The following FBXL13 variants were observed in gnomAD, a reference collection of about 807,000 sequenced individuals.
The protein encoded by FBXL13 is F-box and leucine rich repeat protein 13.
In FBXL13, 67 loss-of-function variants were observed where a neutral mutation model predicts 83.6. The ratio of observed to expected loss-of-function variants is 0.80; its 90% confidence interval spans 0.66 to 0.98. FBXL13 has a LOEUF of 0.98. FBXL13 is among the 50% of genes least tolerant of loss of function. The pLI is 0.00. For synonymous variants in FBXL13, 272 were observed against 299.5 expected (o/e 0.91, Z 0.95); for missense variants, 822 against 866.5 (o/e 0.95, Z 0.64).
chr7:103,063,156 C>T (rs186968167), intron 1 of FBXL13, among the ~76,000 whole-genome samples: 12 of 152,284 alleles, frequency 7.9e-5, no homozygotes, highest in Non-Finnish European at 1.5e-4. Flanking sequence ...AGTCCACTTT[C>T]AGATCTTCAC....
intron 6 of FBXL13, among the ~76,000 whole-genome samples, chr7:103,012,608 A>C (rs897959125): frequency 6.6e-6 from 1 of 152,236 alleles, no homozygotes; most frequent in African/African-American, 2.4e-5. Context: ...GCAAATGCTA[A>C]GGGAATTTCT....
intron 1 of FBXL13, among the ~76,000 whole-genome samples, chr7:103,071,702 TA>T (rs1253814401): frequency 6.6e-6 from 1 of 152,002 alleles, no homozygotes; most frequent in African/African-American, 2.4e-5. Context: ...GCCTGATTTT[TA>T]AAAAAATCAG....
intron 8 of FBXL13, chr7:102,942,385 C>T (rs541888615): frequency 2.4e-5 from 35 of 1,458,914 alleles, no homozygotes; most frequent in East Asian, 1.2e-4. Flanking sequence ...CTTTAAAAGA[C>T]GTGAATAACA....
chr7:102,927,202 C>T (rs765955181), intron 9 of FBXL13, among the ~76,000 whole-genome samples: 4 of 152,166 alleles, frequency 2.6e-5, no homozygotes, highest in South Asian at 2.1e-4. Context: ...TAAAATACAA[C>T]GAGTAGCAGC....
At chr7:103,016,612 G>A (rs138638166) in intron 6 of FBXL13, among the ~76,000 whole-genome samples, 1,708 of 152,148 alleles carry the variant, frequency 0.011, 35 homozygotes, top group African/African-American at 0.039. Context: ...CTGGAAAATC[G>A]GGTCACTCCC....
At chr7:102,862,332 A>G (rs1360411763) in intron 16 of FBXL13, among the ~76,000 whole-genome samples, 2 of 140,464 alleles carry the variant, frequency 1.4e-5, no homozygotes, top group Admixed American at 1.4e-4. Flanking sequence ...CTGTCTCAAA[A>G]AAAAAAAAAA....
chr7:103,036,384 A>G (rs1795069742), intron 2 of FBXL13, among the ~76,000 whole-genome samples: 1 of 152,198 alleles, frequency 6.6e-6, no homozygotes, highest in Admixed American at 6.5e-5. Flanking sequence ...AGTTAATAAC[A>G]ATGGCAAAAA....
At chr7:103,064,325 C>G (rs1798194137) in intron 1 of FBXL13, among the ~76,000 whole-genome samples, 1 of 152,174 alleles carries the variant, frequency 6.6e-6, no homozygotes, top group African/African-American at 2.4e-5. Flanking sequence ...TGGGGATAGA[C>G]AGTTTTCTTG....
intron 11 of FBXL13, among the ~76,000 whole-genome samples, chr7:102,894,183 C>G (rs1795877880): frequency 6.6e-6 from 1 of 152,134 alleles, no homozygotes; most frequent in African/African-American, 2.4e-5. Flanking sequence ...CTTCCATGAT[C>G]TCTGCTTCTC....
chr7:103,027,699 A>G (rs1794090023), intron 4 of FBXL13, 141 bp from the exon 6 acceptor site: 1 of 503,728 alleles, frequency 2.0e-6, no homozygotes, highest in Non-Finnish European at 3.4e-6. Flanking sequence ...TACACTTGAA[A>G]TTAATTACTT....
intron 17 of FBXL13, among the ~76,000 whole-genome samples, chr7:102,843,825 T>C (rs1030082263): frequency 3.9e-5 from 6 of 152,066 alleles, no homozygotes; most frequent in Non-Finnish European, 5.9e-5. Context: ...GTGAAGCAGC[T>C]AGAGCAAGAT....
At chr7:102,995,783 C>A (rs200333935) in intron 6 of FBXL13, among the ~76,000 whole-genome samples, 9 of 142,658 alleles carry the variant, frequency 6.3e-5, no homozygotes, top group Admixed American at 3.5e-4. Flanking sequence ...AAGACTCTGT[C>A]TAAATAAATA....
chr7:103,067,226 T>C (rs1273378371), intron 1 of FBXL13, among the ~76,000 whole-genome samples: 1 of 152,186 alleles, frequency 6.6e-6, no homozygotes, highest in African/African-American at 2.4e-5. Flanking sequence ...GTTCAGTTGC[T>C]CAGGGGTAAG....
upstream of FBXL13, chr7:103,074,703 A>T: frequency 7.8e-7 from 1 of 1,289,630 alleles, no homozygotes; most frequent in Admixed American, 2.3e-5. Context: ...TACCTCGCAG[A>T]CCTGAGGAAT....
chr7:103,025,700 T>A (rs775471559), intron 5 of FBXL13, among the ~76,000 whole-genome samples: 3 of 152,170 alleles, frequency 2.0e-5, no homozygotes. Flanking sequence ...TAAATAAAGG[T>A]AGTATTTCAG....
intron 2 of FBXL13, among the ~76,000 whole-genome samples, chr7:103,040,574 G>T (rs1795564757): frequency 6.6e-6 from 1 of 152,156 alleles, no homozygotes; most frequent in South Asian, 2.1e-4. Flanking sequence ...ATAATTGGTA[G>T]TAAAACACTC....
rs58307950 is a variant in FBXL13 at position 102,826,724 on chromosome 7, CATATATATATATATATATAT to C, written c.1855-4541_1855-4522del. On this transcript the variant is annotated intron_variant, in intron 18 of 19. Transcript: ENST00000313221. ...TGGGAGACAGAGTGAGACCCTGTCT[CATATATATATATATATATAT>C]ATATATATATATATATATATATATA... is the stretch of plus-strand genomic sequence containing the variant. Among the ~76,000 whole-genome samples the C allele has an allele frequency of 9.4e-4, 59 of 62,732 alleles. 2 individuals are homozygous for C. The highest frequency in any genetic ancestry group is 2.4e-3 in the South Asian group (6 of 2,502). The allele number at this position is 62,732 out of a possible 152,430, so 41.2% of individuals were successfully genotyped here.
At position 103,040,797 on chromosome 7, in the gene FBXL13, T is replaced by C. The variant is rs372888617; in HGVS notation, c.1-11379A>G. Among the ~76,000 whole-genome samples the C allele has an allele frequency of 1.6e-4, 24 of 152,276 alleles. No homozygotes were observed. In the East Asian group the frequency reaches 4.4e-3, roughly 28 times the overall value. ...GAAACCAAGGAGAACAAAGACACAATGTACCAGAATCTCTGGGACATATTT... is the reference window on the plus strand; with the variant it reads ...GAAACCAAGGAGAACAAAGACACAACGTACCAGAATCTCTGGGACATATTT... On this transcript the variant is annotated intron_variant, in intron 2 of 19. Transcript: ENST00000313221.
At chr7:102,939,683 C>T in intron 8 of FBXL13, 2 of 1,080,588 alleles carry the variant, frequency 1.9e-6, no homozygotes, top group Non-Finnish European at 2.6e-6. Context: ...TTAAAAGTAA[C>T]TGAACTAAAT....
Sources: gnomAD v4.1 joint callset for allele counts (sites outside exome capture counted in the v4.1 genomes callset) on GRCh38, gnomAD v4.1.1 for gene constraint, MANE v1.5 for transcripts, NCBI Gene and HGNC (gene_info 2026-07-23, HGNC 2026-07-21) for gene names.